The following DEPDC7 variants were observed in gnomAD, a reference collection of about 807,000 sequenced individuals.
DEPDC7 encodes the protein DEP domain containing 7, also known as DEP domain-containing protein 7.
Under a neutral mutation model 56.6 loss-of-function variants are expected in DEPDC7, and 41 were observed. The observed-to-expected ratio is 0.72, with a 90% confidence interval of 0.56 to 0.94. The LOEUF (loss-of-function observed/expected upper bound fraction) is 0.94. Ranked by LOEUF, DEPDC7 falls within the 40% of genes least tolerant of loss-of-function variation. The pLI, the probability that DEPDC7 is intolerant of heterozygous loss-of-function variation, is 0.00. For synonymous variants in DEPDC7, 185 were observed against 208.8 expected (o/e 0.89, Z 0.98); for missense variants, 522 against 596.3 (o/e 0.88, Z 1.30).
chr11:33,016,447 G>A, intron 1 of DEPDC7: 4 of 1,586,060 alleles, frequency 2.5e-6, no homozygotes, highest in Non-Finnish European at 3.4e-6. Context: ...GACACAGTAT[G>A]GCCAGGGGCC....
chr11:33,028,559 A>G, intron 3 of DEPDC7, 44 bp from the exon 4 acceptor site: 2 of 1,466,932 alleles, frequency 1.4e-6, no homozygotes. Flanking sequence ...AGCATATAGT[A>G]ACTATTAATT....
At position 33,028,714 on chromosome 11, in the gene DEPDC7, A is replaced by G. The variant is rs780943473; in HGVS notation, c.704A>G (p.Gln235Arg). The part of the protein sequence containing the change: ...KQQEAVPKIP[Q>R]PKRQSTMVNS... ...CAAGAGGCTGTACCTAAAATTCCTC[A>G]ACCTAAGAGGCAGTCCACCATGGTC... Residue 235 changes from glutamine (Q) to arginine (R), a missense_variant, in exon 4 of 9, where the codon CAA (glutamine) becomes CGA (arginine). Gln to Arg is a conservative substitution (Grantham distance 43). Transcript: ENST00000241051. 2 of 1,613,852 alleles carry G rather than the reference A, an allele frequency of 1.2e-6. No homozygotes were observed. Among genetic ancestry groups the G allele is most frequent in the Non-Finnish European group, 1.7e-6 (2 of 1,180,002 alleles).
chr11:33,026,054 G>T lies in DEPDC7; in HGVS notation c.464+5G>T. On this transcript the variant is annotated splice_donor_5th_base_variant and intron_variant, in intron 2 of 8. Coordinates refer to ENST00000241051, the MANE Select transcript of DEPDC7 (RefSeq NM_001077242.2). ...CAAACTATATTCACCTGCCAGGTTGGTATATAATGTTAGATTATCACGGGA... is the reference window on the plus strand; with the variant it reads ...CAAACTATATTCACCTGCCAGGTTGTTATATAATGTTAGATTATCACGGGA... 6.2e-7 allele frequency: 1 copy of T among 1,613,622 alleles called. No individual in the cohort carries two copies. Among genetic ancestry groups the T allele is most frequent in the South Asian group, 1.1e-5 (1 of 91,046 alleles).
Position 33,027,781 on chromosome 11 carries a change from A to C in DEPDC7, c.560A>C (p.His187Pro). 2 of 1,577,852 alleles carry C rather than the reference A, an allele frequency of 1.3e-6. No individual in the cohort carries two copies. Among genetic ancestry groups the C allele is most frequent in the South Asian group, 1.2e-5 (1 of 84,352 alleles). Reference sequence around the variant, plus strand: ...AGTTTAAAGCCTGCCAACTCCCCTCATGTAAATATCTCTGCAACCTTGTCT... The same window carrying C: ...AGTTTAAAGCCTGCCAACTCCCCTCCTGTAAATATCTCTGCAACCTTGTCT... The part of the protein sequence containing the change: ...NLSLKPANSP[H>P]VNISATLSPQ... The change falls in exon 3 of 9, where the codon CAT becomes CCT. Residue 187 changes from histidine to proline, a missense_variant. Physicochemically the swap from His to Pro is moderately conservative, Grantham distance 77 (BLOSUM62 -2). Transcript: ENST00000241051.
At chr11:33,019,609 T>C (rs895676900) in intron 1 of DEPDC7, among the ~76,000 whole-genome samples, 1 of 149,932 alleles carries the variant, frequency 6.7e-6, no homozygotes, top group Non-Finnish European at 1.5e-5. Context: ...GAGGTTGCAG[T>C]GAGCCGAGAT....
At chr11:33,021,261 A>T (rs1397104808) in intron 1 of DEPDC7, among the ~76,000 whole-genome samples, 1 of 151,956 alleles carries the variant, frequency 6.6e-6, no homozygotes, top group Non-Finnish European at 1.5e-5. Flanking sequence ...AAAAAAAAAA[A>T]AGAAAAAAAA....
At chr11:33,016,277 C>G (rs961446215) in intron 1 of DEPDC7, 11 of 1,378,554 alleles carry the variant, frequency 8.0e-6, no homozygotes, top group African/African-American at 2.9e-5. Flanking sequence ...TTCTTTCTAC[C>G]CAGACTCTCA....
At chr11:33,024,802 CTGTGTGTG>C (rs35371602) in intron 1 of DEPDC7, among the ~76,000 whole-genome samples, 52,308 of 146,346 alleles carry the variant, frequency 0.36, 9,294 homozygotes, top group East Asian at 0.45. Context: ...ATGCATGACT[CTGTGTGTG>C]TGTGTGTGTG....
At chr11:33,020,677 A>G (rs1180628747) in intron 1 of DEPDC7, among the ~76,000 whole-genome samples, 2 of 152,180 alleles carry the variant, frequency 1.3e-5, no homozygotes. Context: ...TCACTCTGTC[A>G]CCCAGGCTGG....
chr11:33,016,099 G>T (rs919578740), intron 1 of DEPDC7, 71 bp downstream of exon 1: 129 of 1,285,574 alleles, frequency 1.0e-4, no homozygotes, highest in Non-Finnish European at 1.2e-4. Context: ...TCCCGGCGCG[G>T]GGCGGGCGGC....
chr11:33,033,035 T>C, intron 8 of DEPDC7, 68 bp downstream of exon 8: 1 of 1,295,134 alleles, frequency 7.7e-7, no homozygotes, highest in Non-Finnish European at 1.1e-6. Context: ...GAAAATGTTT[T>C]GCTATAAGTA....
At chr11:33,026,090 G>A (rs879708135) in intron 2 of DEPDC7, 41 bp downstream of exon 2, 24 of 1,608,110 alleles carry the variant, frequency 1.5e-5, no homozygotes, top group Non-Finnish European at 2.0e-5. Context: ...ATATTGGCAG[G>A]ATTTTGTCTA....
chr11:33,032,852 A>G lies in DEPDC7; in HGVS notation c.1264-37A>G, dbSNP rs752617448. On this transcript the variant is annotated intron_variant, in intron 7 of 8. Transcript: ENST00000241051. ...GTAATAGATCACTAGATTAAAATGC[A>G]TTTGAATAATGTCCCATGTCCCTTC... 1.3e-5 allele frequency: 20 copies of G among 1,582,610 alleles called. No individual in the cohort carries two copies. The South Asian group carries it at 2.3e-4, about 18-fold the overall frequency.
At chr11:33,021,119 C>T (rs187178018) in intron 1 of DEPDC7, among the ~76,000 whole-genome samples, 128 of 151,992 alleles carry the variant, frequency 8.4e-4, no homozygotes, top group African/African-American at 2.9e-3. Flanking sequence ...CACGTGGTGG[C>T]GCGTGCCTGT....
rs918277351 is a variant in DEPDC7, at chr11:33,031,612, C to T, written c.994+23C>T. ...TAGGTAAGTAAGATCTAACTGGATA[C>T]TAGCATTTATCTTTTGGAGGAAACA... On this transcript the variant is annotated intron_variant, in intron 5 of 8. Transcript: ENST00000241051. 3.8e-6 allele frequency: 6 copies of T among 1,569,186 alleles called. No homozygotes were observed. In the African/African-American group the frequency reaches 6.8e-5, roughly 18 times the overall value.
chr11:33,032,528 C>T, intron 6 of DEPDC7, 50 bp downstream of exon 6: 2 of 1,440,756 alleles, frequency 1.4e-6, no homozygotes, highest in Non-Finnish European at 1.9e-6. Context: ...TTAATACTTA[C>T]AGGTTAAGTA....
At chr11:33,026,880 G>C (rs934903547) in intron 2 of DEPDC7, among the ~76,000 whole-genome samples, 5 of 151,964 alleles carry the variant, frequency 3.3e-5, no homozygotes, top group Non-Finnish European at 7.4e-5. Context: ...CTCCCATCTT[G>C]TGCTCCTAAA....
At chr11:33,021,088 A>T (rs1424615478) in intron 1 of DEPDC7, among the ~76,000 whole-genome samples, 1 of 151,760 alleles carries the variant, frequency 6.6e-6, no homozygotes, top group African/African-American at 2.4e-5. Flanking sequence ...CTCTACTAAA[A>T]ATACAAAAAA....
intron 1 of DEPDC7, 100 bp from the exon 2 acceptor site, chr11:33,025,559 C>T (rs1014970362): frequency 7.8e-6 from 9 of 1,151,218 alleles, no homozygotes; most frequent in African/African-American, 7.8e-5. Context: ...TTATCAATAA[C>T]TTTGGAAATT....
Sources: gnomAD v4.1 joint callset for allele counts (sites outside exome capture counted in the v4.1 genomes callset) on GRCh38, gnomAD v4.1.1 for gene constraint, MANE v1.5 for transcripts, NCBI Gene and HGNC (gene_info 2026-07-23, HGNC 2026-07-21) for gene names.